Variants in AIDA observed in about 807,000 individuals in gnomAD.
The protein encoded by AIDA is axin interactor, dorsalization-associated protein.
Under a neutral mutation model 42.7 loss-of-function variants are expected in AIDA, and 18 were observed. The ratio of observed to expected loss-of-function variants is 0.42; its 90% CI spans 0.29 to 0.63. The LOEUF is 0.63. Among genes scored for constraint, AIDA ranks in the 20% least tolerant of loss-of-function variants. AIDA has a pLI of 0.19. For missense variants in AIDA, 250 were observed against 354.1 expected, an observed-to-expected ratio of 0.71 and a Z score of 2.36; for synonymous variants, 104 against 122.9, an observed-to-expected ratio of 0.85 and a Z score of 1.02.
At chr1:222,703,892 C>G (rs990941339) in intron 1 of AIDA, among the ~76,000 whole-genome samples, 1 of 152,090 alleles carries the variant, frequency 6.6e-6, no homozygotes, top group African/African-American at 2.4e-5. Flanking sequence ...CAGCAAAAAA[C>G]TTGTATAGTT....
At chr1:222,700,983 G>GGGGGGGGA (rs35424886) in intron 2 of AIDA, among the ~76,000 whole-genome samples, 1 of 126,490 alleles carries the variant, frequency 7.9e-6, no homozygotes, top group African/African-American at 3.1e-5. Context: ...GGGGGGGGGG[G>GGGGGGGGA]ACAGGGTCTC....
At chr1:222,712,065 C>G in intron 1 of AIDA, 143 bp downstream of exon 1, 1 of 1,297,392 alleles carries the variant, frequency 7.7e-7, no homozygotes. Context: ...GGGCTGGTGG[C>G]GAGGGATCTC....
chr1:222,694,242 T>C lies in AIDA; in HGVS notation c.202A>G (p.Thr68Ala). The change falls in exon 3 of 10, where the codon ACA becomes GCA. Residue 68 changes from threonine to alanine, a missense_variant. Thr to Ala is a moderately conservative substitution (Grantham distance 58, BLOSUM62 0). Around this residue, in one of 4 missense-constraint regions of AIDA, gnomAD observed 199 missense variants for 232.6 expected, o/e 0.86. Transcript: ENST00000340020. ...EQKKTIGKIA[T>A]CLELRSAALQ... Reference sequence around the variant, plus strand: ...GCTGCACTTCGCAATTCCAAGCATGTTGCAATTTTGCCTATGGTTTTCTGC... The same window carrying C: ...GCTGCACTTCGCAATTCCAAGCATGCTGCAATTTTGCCTATGGTTTTCTGC... 1 of 1,612,378 alleles carries C rather than the reference T, an allele frequency of 6.2e-7. No homozygotes were observed. The highest frequency in any genetic ancestry group is 8.5e-7 in the Non-Finnish European group (1 of 1,179,394).
chr1:222,710,206 G>A (rs1279921524), intron 1 of AIDA, among the ~76,000 whole-genome samples: 2 of 152,058 alleles, frequency 1.3e-5, no homozygotes, highest in Admixed American at 6.6e-5. Context: ...TTAAACTCTT[G>A]ACCTCATTTT....
chr1:222,678,528 CTT>C (rs34007743), intron 6 of AIDA, among the ~76,000 whole-genome samples: 1 of 151,254 alleles, frequency 6.6e-6, no homozygotes, highest in South Asian at 2.1e-4. Flanking sequence ...TACCAACAAA[CTT>C]TTTTTTTGCC....
chr1:222,702,699 T>G (rs767734723), intron 2 of AIDA, among the ~76,000 whole-genome samples: 3 of 152,228 alleles, frequency 2.0e-5, no homozygotes, highest in Non-Finnish European at 4.4e-5. Context: ...TTGTGTGTAT[T>G]TGTTTGTTCT....
chr1:222,671,544 TG>T (rs1442256251), intron 8 of AIDA, among the ~76,000 whole-genome samples: 2 of 152,054 alleles, frequency 1.3e-5, no homozygotes, highest in Non-Finnish European at 2.9e-5. Context: ...TTCAGAAATG[TG>T]TGTACAGCAT....
At chr1:222,689,520 T>TATACACACAC (rs765351898) in intron 4 of AIDA, among the ~76,000 whole-genome samples, 1 of 58,102 alleles carries the variant, frequency 1.7e-5, no homozygotes, top group Admixed American at 1.8e-4. Context: ...TATATATATA[T>TATACACACAC]ACACACATAC....
chr1:222,707,451 A>C (rs945262412), intron 1 of AIDA, among the ~76,000 whole-genome samples: 9 of 152,222 alleles, frequency 5.9e-5, no homozygotes, highest in African/African-American at 2.2e-4. Flanking sequence ...GAGCCACCGC[A>C]CCCAGCCATA....
intron 2 of AIDA, among the ~76,000 whole-genome samples, chr1:222,700,973 G>GA (rs1007870307): frequency 7.9e-6 from 1 of 127,278 alleles, no homozygotes; most frequent in Non-Finnish European, 1.6e-5. Flanking sequence ...ATTTTTTTTG[G>GA]GGGGGGGGGG....
chr1:222,678,933 T>A (rs916238080), intron 6 of AIDA, among the ~76,000 whole-genome samples: 4 of 152,210 alleles, frequency 2.6e-5, no homozygotes, highest in African/African-American at 9.6e-5. Flanking sequence ...TTTTTTTGGC[T>A]CTGTCTTACA....
In AIDA at chr1:222,686,951, A is replaced by G. The variant is rs899564273; in HGVS notation, c.439T>C (p.Ser147Pro). Residue 147 changes from serine (S) to proline (P), a missense_variant, in exon 6 of 10, where the codon TCT becomes CCT. Ser to Pro is a moderately conservative substitution (Grantham distance 74). Around this residue, in one of 4 missense-constraint regions of AIDA, gnomAD observed 199 missense variants for 232.6 expected, o/e 0.86. Coordinates refer to ENST00000340020, the MANE Select transcript of AIDA (RefSeq NM_022831.4). ...EGGAGAGSPDSFPARVPGTLL... is the reference protein window; with the variant it reads ...EGGAGAGSPDPFPARVPGTLL... ...CTACCGGGAACTCTAGCAGGAAAAG[A>G]ATCAGGAGACCCTGCTCCAGCACCA... is the stretch of plus-strand genomic sequence containing the variant. 3.1e-6 allele frequency: 5 copies of G among 1,613,698 alleles called. No individual in the cohort carries two copies. The African/African-American group carries it at 6.7e-5, about 22-fold the overall frequency.
intron 4 of AIDA, among the ~76,000 whole-genome samples, chr1:222,690,338 A>G (rs924393746): frequency 6.6e-6 from 1 of 152,226 alleles, no homozygotes; most frequent in Non-Finnish European, 1.5e-5. Flanking sequence ...CAATGATTAC[A>G]TTCTGGCATG....
chr1:222,677,449 C>A (rs1664570771), intron 6 of AIDA, among the ~76,000 whole-genome samples: 1 of 152,048 alleles, frequency 6.6e-6, no homozygotes, highest in Admixed American at 6.5e-5. Flanking sequence ...TTCTAAAGCA[C>A]TGTTGAGGAA....
At chr1:222,701,097 G>GA (rs1322050341) in intron 2 of AIDA, among the ~76,000 whole-genome samples, 1 of 151,492 alleles carries the variant, frequency 6.6e-6, no homozygotes, top group Admixed American at 6.6e-5. Flanking sequence ...CAAGTAGCTG[G>GA]AACTACAGGC....
At chr1:222,690,602 A>G (rs1655344276) in intron 4 of AIDA, among the ~76,000 whole-genome samples, 1 of 152,162 alleles carries the variant, frequency 6.6e-6, no homozygotes, top group South Asian at 2.1e-4. Context: ...GGAAATCCAG[A>G]GACTGCATGT....
At chr1:222,677,797 A>C (rs535109212) in intron 6 of AIDA, among the ~76,000 whole-genome samples, 1 of 152,152 alleles carries the variant, frequency 6.6e-6, no homozygotes, top group Non-Finnish European at 1.5e-5. Context: ...ATTTTCTGTA[A>C]TAGTCCATGT....
intron 8 of AIDA, among the ~76,000 whole-genome samples, chr1:222,672,037 C>T (rs983527924): frequency 6.6e-6 from 1 of 152,002 alleles, no homozygotes; most frequent in Admixed American, 6.6e-5. Context: ...TAAGAAAGAA[C>T]AAAATGTGAA....
chr1:222,686,693 T>A (rs1355468179), intron 6 of AIDA, among the ~76,000 whole-genome samples: 1 of 152,150 alleles, frequency 6.6e-6, no homozygotes. Flanking sequence ...TAGTGAGCCT[T>A]GTGAGTTGTC....
Sources: gnomAD v4.1 joint callset for allele counts (sites outside exome capture counted in the v4.1 genomes callset) on GRCh38, gnomAD v4.1.1 for gene constraint, gnomAD v4.1.1 regional missense constraint, MANE v1.5 for transcripts, NCBI Gene and HGNC (gene_info 2026-07-23, HGNC 2026-07-21) for gene names.